DYM: variants seen among roughly 807,000 people sequenced by gnomAD.
DYM encodes the protein dymeclin.
DYM carries 78 observed loss-of-function variants against 93.1 expected under a neutral mutation model. That is an observed-to-expected ratio of 0.84 (90% CI 0.70 to 1.01). The LOEUF (loss-of-function observed/expected upper bound fraction) is 1.01, where lower values mean the gene tolerates loss of function less well. DYM is among the 50% of genes least tolerant of loss of function. DYM has a pLI of 0.00. For missense variants in DYM, 789 were observed against 845.0 expected (o/e 0.93, Z 0.82); for synonymous variants, 321 against 319.7 (o/e 1.00, Z -0.04).
intron 15 of DYM, among the ~76,000 whole-genome samples, chr18:49,125,446 G>C (rs573223112): frequency 6.6e-6 from 1 of 152,230 alleles, no homozygotes; most frequent in Admixed American, 6.5e-5. Flanking sequence ...GCATTGGCTG[G>C]ATGTCAGTGG....
intron 8 of DYM, among the ~76,000 whole-genome samples, chr18:49,288,705 G>A (rs187100733): frequency 3.3e-5 from 5 of 151,934 alleles, no homozygotes; most frequent in African/African-American, 7.2e-5. Flanking sequence ...TCTTGAACCC[G>A]AGAGGCAGAG....
chr18:49,261,676 A>G (rs945603194), intron 11 of DYM, among the ~76,000 whole-genome samples: 6 of 152,244 alleles, frequency 3.9e-5, no homozygotes, highest in African/African-American at 1.4e-4. Flanking sequence ...TATATGATAG[A>G]GTATTATACA....
intron 7 of DYM, 118 bp downstream of exon 7, chr18:49,333,610 G>C: frequency 1.7e-6 from 2 of 1,152,828 alleles, no homozygotes; most frequent in Non-Finnish European, 2.6e-6. Flanking sequence ...AGAGACAATA[G>C]AACAACTAGA....
intron 8 of DYM, among the ~76,000 whole-genome samples, chr18:49,324,893 T>A (rs1416625338): frequency 1.3e-5 from 2 of 152,212 alleles, no homozygotes; most frequent in Non-Finnish European, 2.9e-5. Context: ...AATGGTCTCA[T>A]ATTTATCAGC....
intron 15 of DYM, among the ~76,000 whole-genome samples, chr18:49,146,948 C>G (rs1478187166): frequency 1.3e-5 from 2 of 152,188 alleles, no homozygotes; most frequent in African/African-American, 4.8e-5. Context: ...TCAAACTACA[C>G]TACAAGGCTA....
chr18:49,277,728 T>C (rs1438062310), intron 10 of DYM, among the ~76,000 whole-genome samples: 2 of 152,226 alleles, frequency 1.3e-5, no homozygotes, highest in African/African-American at 4.8e-5. Flanking sequence ...CTGACATCTC[T>C]ATCTTAGAAA....
intron 11 of DYM, among the ~76,000 whole-genome samples, chr18:49,266,653 A>C (rs1029039299): frequency 5.3e-5 from 8 of 152,188 alleles, no homozygotes; most frequent in Admixed American, 5.2e-4. Flanking sequence ...AATGATGTTC[A>C]CCTAATGTTA....
intron 1 of DYM, among the ~76,000 whole-genome samples, chr18:49,437,919 AT>A (rs2081001164): frequency 1.3e-5 from 2 of 152,182 alleles, no homozygotes; most frequent in Admixed American, 6.6e-5. Flanking sequence ...TAAGTCTTAA[AT>A]CAAACACCTG....
chr18:49,411,937 A>C (rs1223468776), intron 2 of DYM: 1 of 152,212 alleles, frequency 6.6e-6, no homozygotes. Flanking sequence ...ATCATTCACA[A>C]AACTAACAAG....
intron 3 of DYM, among the ~76,000 whole-genome samples, chr18:49,386,502 C>T (rs2068638304): frequency 6.6e-6 from 1 of 152,120 alleles, no homozygotes; most frequent in Non-Finnish European, 1.5e-5. Context: ...AACCTATAAC[C>T]CCAGTCTAAG....
chr18:49,160,524 A>G (rs1023772847), intron 15 of DYM, among the ~76,000 whole-genome samples: 28 of 151,482 alleles, frequency 1.8e-4, no homozygotes, highest in Admixed American at 1.2e-3. Context: ...AACTCTGCTA[A>G]TACAGTACAT....
intron 1 of DYM, among the ~76,000 whole-genome samples, chr18:49,444,983 ACTC>A (rs2081977760): frequency 6.6e-6 from 1 of 152,008 alleles, no homozygotes. Context: ...CTAACTTTAA[ACTC>A]CAATTAAGCC....
At chr18:49,158,184 C>G (rs2086659103) in intron 15 of DYM, among the ~76,000 whole-genome samples, 1 of 152,118 alleles carries the variant, frequency 6.6e-6, no homozygotes, top group Non-Finnish European at 1.5e-5. Flanking sequence ...AAAAGTTTTT[C>G]TCTCTCACTT....
chr18:49,317,590 TCTCTCTCCCCCCTCCC>T (rs2062052571), intron 8 of DYM, among the ~76,000 whole-genome samples: 1 of 11,608 alleles, frequency 8.6e-5, no homozygotes, highest in Non-Finnish European at 1.6e-4. Flanking sequence ...TCTCTCTCTC[TCTCTCTCCCCCCTCCC>T]CCCTCCCTCC....
intron 14 of DYM, among the ~76,000 whole-genome samples, chr18:49,173,962 G>C (rs1342537976): frequency 6.6e-6 from 1 of 152,096 alleles, no homozygotes; most frequent in Non-Finnish European, 1.5e-5. Flanking sequence ...TTTTCACTAA[G>C]TATGATTTTA....
intron 2 of DYM, among the ~76,000 whole-genome samples, chr18:49,416,337 C>T (rs1236298961): frequency 6.6e-6 from 1 of 152,202 alleles, no homozygotes; most frequent in East Asian, 1.9e-4. Context: ...TTGTGGAGCT[C>T]AGGCAAGGTC....
chr18:49,305,579 T>C (rs1338694404), intron 8 of DYM, among the ~76,000 whole-genome samples: 1 of 152,228 alleles, frequency 6.6e-6, no homozygotes, highest in Non-Finnish European at 1.5e-5. Context: ...TCAGATGAAA[T>C]ATACTTCCTC....
intron 15 of DYM, among the ~76,000 whole-genome samples, chr18:49,145,604 A>G (rs2085038580): frequency 6.6e-6 from 1 of 152,184 alleles, no homozygotes; most frequent in East Asian, 1.9e-4. Flanking sequence ...TTTCCAAAAT[A>G]TAAACAGATA....
At chr18:49,443,423 G>A (rs1375343297) in intron 1 of DYM, among the ~76,000 whole-genome samples, 6 of 152,088 alleles carry the variant, frequency 3.9e-5, no homozygotes, top group African/African-American at 1.2e-4. Context: ...AGTGTCATGA[G>A]TATTGCCATA....
Sources: gnomAD v4.1 joint callset for allele counts (sites outside exome capture counted in the v4.1 genomes callset) on GRCh38, gnomAD v4.1.1 for gene constraint, MANE v1.5 for transcripts, NCBI Gene and HGNC (gene_info 2026-07-23, HGNC 2026-07-21) for gene names.